The following NDST3 variants were observed in gnomAD, a reference collection of about 807,000 sequenced individuals.
NDST3 encodes N-deacetylase and N-sulfotransferase 3.
A neutral mutation model predicts 96.1 loss-of-function variants in NDST3; 58 were observed. The ratio of observed to expected loss-of-function variants is 0.60; its 90% CI spans 0.49 to 0.75. NDST3 has a LOEUF of 0.75. Among genes scored for constraint, NDST3 ranks in the 30% least tolerant of loss-of-function variants. NDST3 has a pLI of 0.00. For synonymous variants in NDST3, 333 were observed against 359.7 expected (o/e 0.93, Z 0.84); for missense variants, 788 against 1,034.2 (o/e 0.76, Z 3.27).
At chr4:118,181,522 A>G (rs972749422) in intron 6 of NDST3, among the ~76,000 whole-genome samples, 3 of 152,200 alleles carry the variant, frequency 2.0e-5, no homozygotes, top group African/African-American at 7.2e-5. Context: ...GCTTCAATTA[A>G]CTGAGAAGCT....
chr4:118,109,741 T>C (rs1472668670), intron 3 of NDST3, among the ~76,000 whole-genome samples: 4 of 152,198 alleles, frequency 2.6e-5, no homozygotes, highest in Non-Finnish European at 5.9e-5. Context: ...TTGAATTATA[T>C]TGTCTTCCTT....
Position 118,258,195 on chromosome 4 carries a change from AT to A in NDST3, c.*2486del, listed in dbSNP as rs1742226725. Reference sequence around the variant, plus strand: ...AGAAAAAGGAAGAGATCTTACCAAAATTTATTCATTCACAAGTACATGTATT... The same window carrying A: ...AGAAAAAGGAAGAGATCTTACCAAAATTATTCATTCACAAGTACATGTATT... On this transcript the variant is annotated 3_prime_UTR_variant, in exon 14 of 14. Transcript: ENST00000296499. The A allele has an allele frequency of 6.6e-6, 1 of 152,202 alleles. No individual in the cohort carries two copies. Among genetic ancestry groups the A allele is most frequent in the South Asian group, 2.1e-4 (1 of 4,836 alleles). 9.4% of individuals were successfully genotyped at this position (152,202 alleles called of 1,614,324 possible). A position where few individuals can be genotyped will look rare whatever the true frequency, so the allele number is the denominator to read the frequency against.
At chr4:118,128,784 T>C (rs780022740) in intron 4 of NDST3, among the ~76,000 whole-genome samples, 9 of 152,200 alleles carry the variant, frequency 5.9e-5, no homozygotes, top group Middle Eastern at 3.4e-3. Context: ...TTTAAATGTT[T>C]GGTAGAAATC....
intron 4 of NDST3, among the ~76,000 whole-genome samples, chr4:118,131,111 T>C (rs1732574161): frequency 6.6e-6 from 1 of 152,206 alleles, no homozygotes; most frequent in Non-Finnish European, 1.5e-5. Context: ...TTGATCTCTT[T>C]CTCCAGGTTT....
chr4:118,184,369 G>GGCCTCATCCAAATACTTAAAA (rs1243630562), intron 6 of NDST3, among the ~76,000 whole-genome samples: 14 of 151,898 alleles, frequency 9.2e-5, no homozygotes, highest in Non-Finnish European at 1.3e-4. Flanking sequence ...AATGTGGGTG[G>GGCCTCATCCAAATACTTAAAA]GCCTCATCCA....
intron 2 of NDST3, among the ~76,000 whole-genome samples, chr4:118,102,403 C>T (rs1391326154): frequency 6.6e-6 from 1 of 152,064 alleles, no homozygotes; most frequent in African/African-American, 2.4e-5. Context: ...ATGGGTTTTG[C>T]TTGCCCAGAA....
chr4:118,054,485 A>G lies in NDST3; in HGVS notation c.575A>G (p.Asp192Gly). 1 of 1,613,132 alleles carries G rather than the reference A, an allele frequency of 6.2e-7. No individual in the cohort carries two copies. ...ATATATGGAAATCTTGCAGTAAAAG[A>G]TTGTTGTATTAATCCTCATTCTCCA... ...FSIYGNLAVK[D>G]CCINPHSPLI... Residue 192 changes from aspartate to glycine, a missense_variant, in exon 2 of 14, where the codon GAT becomes GGT. Around this residue, in one of 3 missense-constraint regions of NDST3, gnomAD observed 234 missense variants for 256.9 expected, o/e 0.91. Coordinates refer to ENST00000296499, the MANE Select transcript of NDST3 (RefSeq NM_004784.3).
At chr4:118,146,532 C>G (rs1332314174) in intron 6 of NDST3, among the ~76,000 whole-genome samples, 3 of 152,018 alleles carry the variant, frequency 2.0e-5, no homozygotes, top group Admixed American at 2.0e-4. Context: ...CAGAGTTAAA[C>G]TGGAAAGATC....
At chr4:118,071,481 T>C (rs1377983995) in intron 2 of NDST3, among the ~76,000 whole-genome samples, 1 of 152,122 alleles carries the variant, frequency 6.6e-6, no homozygotes, top group African/African-American at 2.4e-5. Context: ...ACTCATTGTT[T>C]AGCTCCCACT....
At chr4:118,137,642 C>G (rs752375058) in intron 4 of NDST3, among the ~76,000 whole-genome samples, 1 of 152,144 alleles carries the variant, frequency 6.6e-6, no homozygotes, top group Admixed American at 6.5e-5. Context: ...GCCTAATGAA[C>G]TTGGAAGGTG....
chr4:118,052,997 GGAAATA>G (rs1725169599), intron 1 of NDST3, among the ~76,000 whole-genome samples: 1 of 151,854 alleles, frequency 6.6e-6, no homozygotes, highest in African/African-American at 2.4e-5. Flanking sequence ...CTCAAAAAGC[GGAAATA>G]GAATGGTATA....
At chr4:118,154,006 T>C (rs1311671239) in intron 6 of NDST3, among the ~76,000 whole-genome samples, 1 of 152,140 alleles carries the variant, frequency 6.6e-6, no homozygotes, top group African/African-American at 2.4e-5. Context: ...CTTCCTCTAA[T>C]TTTTATAAAA....
chr4:118,239,483 C>G (rs547966844), intron 10 of NDST3, among the ~76,000 whole-genome samples: 4 of 152,162 alleles, frequency 2.6e-5, no homozygotes, highest in African/African-American at 9.7e-5. Context: ...TCAAAACATA[C>G]AGCAAATTGC....
At chr4:118,055,164 G>A (rs780990710) in intron 2 of NDST3, 7 of 397,978 alleles carry the variant, frequency 1.8e-5, no homozygotes, top group African/African-American at 1.2e-4. Flanking sequence ...AAGTCATTTC[G>A]TTTAATTACT....
At chr4:118,181,276 T>C (rs775320289) in intron 6 of NDST3, among the ~76,000 whole-genome samples, 1 of 151,686 alleles carries the variant, frequency 6.6e-6, no homozygotes, top group Admixed American at 6.6e-5. Context: ...ATGAAGGAGG[T>C]AGGGGCTAGA....
At chr4:118,246,696 G>C (rs1020588492) in intron 12 of NDST3, among the ~76,000 whole-genome samples, 1 of 152,164 alleles carries the variant, frequency 6.6e-6, no homozygotes, top group Non-Finnish European at 1.5e-5. Context: ...TTACAGTTAT[G>C]GCAGAAACCA....
intron 6 of NDST3, among the ~76,000 whole-genome samples, chr4:118,217,604 T>G (rs1344585932): frequency 6.6e-6 from 1 of 152,050 alleles, no homozygotes; most frequent in Non-Finnish European, 1.5e-5. Flanking sequence ...CCTTACTTTT[T>G]CTGTAAAGAG....
chr4:118,114,449 A>T (rs1393293616), intron 3 of NDST3, among the ~76,000 whole-genome samples: 1 of 152,302 alleles, frequency 6.6e-6, no homozygotes, highest in East Asian at 1.9e-4. Flanking sequence ...TTCCTTGCTC[A>T]TATTTCCTAA....
intron 12 of NDST3, among the ~76,000 whole-genome samples, chr4:118,249,156 G>A (rs1401153085): frequency 1.3e-5 from 2 of 152,186 alleles, no homozygotes; most frequent in Non-Finnish European, 2.9e-5. Context: ...CATGTGTGGA[G>A]TTCAGTGCTT....
Sources: allele counts gnomAD v4.1 joint callset (sites outside exome capture counted in the v4.1 genomes callset), GRCh38; gene constraint gnomAD v4.1.1; regional missense constraint gnomAD v4.1.1; transcripts MANE v1.5; gene names NCBI Gene and HGNC (gene_info 2026-07-23, HGNC 2026-07-21).